Variants in TSHZ1 observed in about 807,000 individuals in gnomAD.
TSHZ1 encodes the protein teashirt homolog 1.
A neutral mutation model predicts 67.1 loss-of-function variants in TSHZ1; 12 were observed. The observed-to-expected ratio is 0.18, with a 90% CI of 0.11 to 0.29. TSHZ1 has a LOEUF of 0.29. Among genes scored for constraint, TSHZ1 ranks in the 10% least tolerant of loss-of-function variants. TSHZ1 has a pLI of 1.00. For synonymous variants in TSHZ1, 632 were observed against 622.4 expected, an observed-to-expected ratio of 1.02 and a Z score of -0.23; for missense variants, 1,305 against 1,413.9, an observed-to-expected ratio of 0.92 and a Z score of 1.23.
rs761089289 is a variant in TSHZ1, at chr18:75,288,224, C to T, written c.2817C>T (p.Thr939=). ...ISKFTGLSMT[T]ISHWLANVKY... is the part of the protein sequence containing the mutation. The stretch of plus-strand genomic sequence containing the variant: ...AGTTTACTGGGCTCTCCATGACCAC[C>T]ATCAGCCACTGGCTGGCCAATGTGA... The change falls in exon 2 of 2, where the codon ACC becomes ACT. Residue 939 remains threonine, a synonymous_variant. Transcript: ENST00000580243. The surrounding 1 kb of genome is among the most constrained non-coding windows in gnomAD (Gnocchi z 4.9). 12 of 1,614,084 alleles carry T rather than the reference C, an allele frequency of 7.4e-6. No homozygotes were observed. The highest frequency in any genetic ancestry group is 1.3e-5 in the African/African-American group (1 of 74,948).
chr18:75,270,778 T>C (rs1005838845), intron 1 of TSHZ1, among the ~76,000 whole-genome samples: 1 of 152,246 alleles, frequency 6.6e-6, no homozygotes, highest in African/African-American at 2.4e-5. Context: ...TTCCACTGTT[T>C]AGCCCACTCC....
At chr18:75,249,468 G>C (rs2023266216) in intron 1 of TSHZ1, among the ~76,000 whole-genome samples, 1 of 149,590 alleles carries the variant, frequency 6.7e-6, no homozygotes, top group Non-Finnish European at 1.5e-5. Flanking sequence ...GCAGTGGATG[G>C]GGGTGGCTTT....
At chr18:75,237,612 AC>A (rs755596477) in intron 1 of TSHZ1, among the ~76,000 whole-genome samples, 4 of 151,930 alleles carry the variant, frequency 2.6e-5, no homozygotes, top group Non-Finnish European at 5.9e-5. Context: ...ATATGTACAC[AC>A]CTTTTTTCTG....
At chr18:75,238,566 C>T (rs2023111899) in intron 1 of TSHZ1, among the ~76,000 whole-genome samples, 1 of 151,758 alleles carries the variant, frequency 6.6e-6, no homozygotes, top group South Asian at 2.1e-4. Context: ...CTCTGCCTCC[C>T]CGAAGAGCCC....
intron 1 of TSHZ1, among the ~76,000 whole-genome samples, chr18:75,225,706 G>A (rs745377408): frequency 6.6e-6 from 1 of 152,002 alleles, no homozygotes; most frequent in Admixed American, 6.6e-5. Flanking sequence ...GCCATCCTGA[G>A]CACAGCAGAC....
At chr18:75,211,950 G>A in intron 1 of TSHZ1, 34 bp downstream of exon 1, 3 of 1,202,252 alleles carry the variant, frequency 2.5e-6, no homozygotes, top group Non-Finnish European at 3.1e-6. Flanking sequence ...GCGGGGAGTG[G>A]GCGCCGGGAG....
chr18:75,212,259 G>C (rs138104342), intron 1 of TSHZ1, among the ~76,000 whole-genome samples: 34 of 152,306 alleles, frequency 2.2e-4, no homozygotes, highest in African/African-American at 7.5e-4. Flanking sequence ...TTGGCTGCCG[G>C]AGCGCACTGG....
chr18:75,288,363 A>G lies in TSHZ1; in HGVS notation c.2956A>G (p.Ile986Val), dbSNP rs1335376746. The G allele has an allele frequency of 5.0e-6, 8 of 1,614,062 alleles. No homozygotes were observed. Among genetic ancestry groups the G allele is most frequent in the African/African-American group, 1.3e-5 (1 of 74,934 alleles). Residue 986 changes from isoleucine to valine, a missense_variant, in exon 2 of 2, where the codon ATA (isoleucine) becomes GTA (valine). Ile to Val is a conservative substitution (Grantham distance 29). Around this residue, in one of 3 missense-constraint regions of TSHZ1, gnomAD observed 909 missense variants for 961.8 expected, o/e 0.95. Transcript: ENST00000580243. The surrounding 1 kb of genome is among the most constrained non-coding windows in gnomAD (Gnocchi z 4.9). ...TCAGTTCAGAACTGCTTCTACATAC[A>G]TAAGTCATTTGGAGACACACTTGGG... ...ASQFRTASTY[I>V]SHLETHLGFS...
At chr18:75,262,555 C>A (rs1308342265) in intron 1 of TSHZ1, among the ~76,000 whole-genome samples, 1 of 152,142 alleles carries the variant, frequency 6.6e-6, no homozygotes, top group African/African-American at 2.4e-5. Flanking sequence ...TTCTTTTAAA[C>A]CTGAGAAAAT....
At chr18:75,216,176 T>C (rs1306223277) in intron 1 of TSHZ1, among the ~76,000 whole-genome samples, 4 of 152,256 alleles carry the variant, frequency 2.6e-5, no homozygotes, top group Admixed American at 2.6e-4. Context: ...AATATCTTTT[T>C]TTTAATTGTA....
intron 1 of TSHZ1, among the ~76,000 whole-genome samples, chr18:75,272,268 G>C (rs960277989): frequency 3.3e-5 from 5 of 152,210 alleles, no homozygotes; most frequent in Non-Finnish European, 5.9e-5. Context: ...GCCGGCACGC[G>C]AGGCGCCTTG....
At chr18:75,237,331 G>A (rs1599033366) in intron 1 of TSHZ1, among the ~76,000 whole-genome samples, 1 of 152,256 alleles carries the variant, frequency 6.6e-6, no homozygotes, top group East Asian at 1.9e-4. Context: ...CAACCAGCCT[G>A]GGCAACATGG....
intron 1 of TSHZ1, among the ~76,000 whole-genome samples, chr18:75,229,515 A>G (rs2022969990): frequency 6.6e-6 from 1 of 152,200 alleles, no homozygotes; most frequent in African/African-American, 2.4e-5. Flanking sequence ...GGGCAGGGCC[A>G]TCTTGTTCTC....
At chr18:75,252,688 G>A (rs2122569395) in intron 1 of TSHZ1, among the ~76,000 whole-genome samples, 1 of 151,768 alleles carries the variant, frequency 6.6e-6, no homozygotes. Context: ...TTTCCTAATT[G>A]GAATTCTAAA....
At position 75,287,708 on chromosome 18, in the gene TSHZ1, G is replaced by A. The variant is rs371139909; in HGVS notation, c.2301G>A (p.Ser767=). The part of the protein sequence containing the change: ...LGKVSKPVSP[S]LDPLAMLYKI... ...AGGTGTCCAAGCCCGTGAGTCCCTC[G>A]CTGGACCCGCTGGCGATGCTGTACA... Residue 767 remains serine, a synonymous_variant, in exon 2 of 2, where the codon TCG becomes TCA. Coordinates refer to ENST00000580243, the MANE Select transcript of TSHZ1 (RefSeq NM_001308210.2). The surrounding 1 kb of genome is among the most constrained non-coding windows in gnomAD (Gnocchi z 5.0). 2.3e-5 allele frequency: 37 copies of A among 1,614,058 alleles called. No homozygotes were observed. In the East Asian group the frequency reaches 5.8e-4, roughly 25 times the overall value.
chr18:75,237,791 C>CTTTCTTTTATTTATTTATTT (rs150217532), intron 1 of TSHZ1, among the ~76,000 whole-genome samples: 1 of 143,500 alleles, frequency 7.0e-6, no homozygotes, highest in Non-Finnish European at 1.5e-5. Context: ...TTCTTTCTTT[C>CTTTCTTTTATTTATTTATTT]ATTTATTTAT....
chr18:75,271,313 C>A (rs763852076), intron 1 of TSHZ1, among the ~76,000 whole-genome samples: 6 of 152,218 alleles, frequency 3.9e-5, no homozygotes, highest in South Asian at 2.1e-4. Flanking sequence ...GCCTCTCCTT[C>A]GGATAGATCA....
At chr18:75,257,967 C>G (rs951950975) in intron 1 of TSHZ1, among the ~76,000 whole-genome samples, 1 of 152,226 alleles carries the variant, frequency 6.6e-6, no homozygotes. Context: ...GCCTCGTCAT[C>G]AGAGGGGGCA....
chr18:75,252,491 G>A (rs1448519253), intron 1 of TSHZ1, among the ~76,000 whole-genome samples: 1 of 152,028 alleles, frequency 6.6e-6, no homozygotes, highest in African/African-American at 2.4e-5. Context: ...CATAGTTTCT[G>A]CTTTTAAAGT....
Sources: gnomAD v4.1 joint callset for allele counts (sites outside exome capture counted in the v4.1 genomes callset) on GRCh38, gnomAD v4.1.1 for gene constraint, gnomAD v4.1.1 regional missense constraint, Gnocchi (gnomAD v3.1) non-coding constraint, MANE v1.5 for transcripts, NCBI Gene and HGNC (gene_info 2026-07-23, HGNC 2026-07-21) for gene names.